The following THY1 variants were observed in gnomAD, a reference collection of about 807,000 sequenced individuals.
The protein encoded by THY1 is Thy-1 cell surface antigen, also known as thy-1 membrane glycoprotein.
In THY1, 10 loss-of-function variants were observed where a neutral mutation model predicts 14.9. The ratio of observed to expected loss-of-function variants is 0.67; its 90% confidence interval spans 0.41 to 1.14. The LOEUF is 1.14. THY1 is among the 50% of genes most tolerant of loss of function. The pLI, the probability that THY1 is intolerant of heterozygous loss-of-function variation, is 0.00. For missense variants in THY1, 159 were observed against 202.1 expected, an observed-to-expected ratio of 0.79 and a Z score of 1.29; for synonymous variants, 80 against 90.0, an observed-to-expected ratio of 0.89 and a Z score of 0.63.
At position 119,420,130 on chromosome 11, in the gene THY1, G is replaced by A. The variant is rs753764547; in HGVS notation, c.294C>T (p.Asp98=). 24 of 1,614,234 alleles carry A rather than the reference G, an allele frequency of 1.5e-5. No homozygotes were observed. In the East Asian group the frequency reaches 2.5e-4, roughly 16 times the overall value. Residue 98 remains aspartate, a synonymous_variant, in exon 3 of 4, where the codon GAC becomes GAT. Transcript: ENST00000284240. The part of the protein sequence containing the change: ...VLYLSAFTSK[D]EGTYTCALHH... ...GGAGTGCACACGTGTAGGTGCCCTC[G>A]TCCTTGCTAGTGAAGGCGGATAAGT...
intron 1 of THY1, 121 bp from the exon 2 acceptor site, chr11:119,421,050 C>A: frequency 3.7e-6 from 3 of 810,154 alleles, no homozygotes; most frequent in Non-Finnish European, 6.1e-6. Flanking sequence ...CTCCATTCCC[C>A]CTCTCGTCCC....
Position 119,419,248 on chromosome 11 carries a change from G to GTAGA in THY1, c.*156_*159dup. 1.4e-6 allele frequency: 1 copy of GTAGA among 717,480 alleles called. No individual in the cohort carries two copies. Among genetic ancestry groups the GTAGA allele is most frequent in the Non-Finnish European group, 2.6e-6 (1 of 389,558 alleles). 44.4% of individuals were successfully genotyped at this position (717,480 alleles called of 1,614,324 possible). On this transcript the variant is annotated 3_prime_UTR_variant, in exon 4 of 4. Coordinates refer to ENST00000284240, the MANE Select transcript of THY1 (RefSeq NM_006288.5). ...GGGTGAGGTGGCCGCGTGGACGTGG[G>GTAGA]TAGATAATCGCATGCAGCACTGGAA... is the stretch of plus-strand genomic sequence containing the variant.
In THY1 at chr11:119,417,086, C is replaced by T. The variant is rs1861793160; in HGVS notation, c.*2322G>A. Among the ~76,000 whole-genome samples the T allele has an allele frequency of 1.3e-5, 2 of 152,242 alleles. No homozygotes were observed. The highest frequency in any genetic ancestry group is 2.1e-4 in the South Asian group (1 of 4,836). ...CTTTTACTATCCTGAGGGTGGGGCA[C>T]CCCACATTTCTCTGGCATTTGATCT... On this transcript the variant is annotated 3_prime_UTR_variant, in exon 4 of 4. Transcript: ENST00000284240.
At position 119,415,773 on chromosome 11, in the gene THY1, T is replaced by C. The variant is rs2135430313; in HGVS notation, c.*3635A>G. Among the ~76,000 whole-genome samples, 1 of 152,292 alleles carries C rather than the reference T, an allele frequency of 6.6e-6. No homozygotes were observed. The highest frequency in any genetic ancestry group is 2.1e-4 in the South Asian group (1 of 4,814). On this transcript the variant is annotated 3_prime_UTR_variant, in exon 4 of 4. Coordinates refer to ENST00000284240, the MANE Select transcript of THY1 (RefSeq NM_006288.5). ...TTCTCCTTGAGTGTGTTGGGGACAT[T>C]CCAGGCCTGAGAGTGTCCTGAGGCT...
rs1861936939 is a variant in THY1 at position 119,422,863 on chromosome 11, G to A, written c.-25+250C>T. Reference sequence around the variant, plus strand: ...CCTGTTCTCCAGCGCCCCAGCCCCAGACACCAGTCCCCCAGCGGGCGAAAG... The same window carrying A: ...CCTGTTCTCCAGCGCCCCAGCCCCAAACACCAGTCCCCCAGCGGGCGAAAG... On this transcript the variant is annotated intron_variant, in intron 1 of 3. Transcript: ENST00000284240. The surrounding 1 kb of genome is among the most constrained non-coding windows in gnomAD (Gnocchi z 7.0). 6.6e-6 allele frequency among the ~76,000 whole-genome samples: 1 copy of A among 152,162 alleles called. No individual in the cohort carries two copies.
chr11:119,423,022 G>A (rs544442389), intron 1 of THY1, 91 bp downstream of exon 1: 26 of 455,988 alleles, frequency 5.7e-5, no homozygotes, highest in African/African-American at 4.8e-4. Flanking sequence ...GGCGCCCTCG[G>A]ACCGTGGCCC....
chr11:119,423,415 A>G (rs1294349433), upstream of THY1: 1 of 354,820 alleles, frequency 2.8e-6, no homozygotes, highest in African/African-American at 2.1e-5. Flanking sequence ...GACCCCGGGG[A>G]TCAGGGTGCG....
At position 119,422,672 on chromosome 11, in the gene THY1, C is replaced by T; in HGVS notation, c.-25+441G>A. ...ACTGCGGCTTCCTTCTCCTCCGGTG[C>T]CCCGCACCCAGCCCGCCGCGAGGTC... On this transcript the variant is annotated intron_variant, in intron 1 of 3. Coordinates refer to ENST00000284240, the MANE Select transcript of THY1 (RefSeq NM_006288.5). This position sits in a 1 kb window ranked among gnomAD's most constrained non-coding sequence, Gnocchi z 7.0. 4.3e-6 allele frequency: 1 copy of T among 233,540 alleles called. No homozygotes were observed. The highest frequency in any genetic ancestry group is 8.5e-6 in the Non-Finnish European group (1 of 117,380). The allele number at this position is 233,540 out of a possible 1,614,324, so 14.5% of individuals were successfully genotyped here. A position where few individuals can be genotyped will look rare whatever the true frequency, so the allele number is the denominator to read the frequency against.
At chr11:119,419,983 G>A (rs1861863725) in intron 3 of THY1, 68 bp downstream of exon 3, 1 of 1,508,366 alleles carries the variant, frequency 6.6e-7, no homozygotes, top group Non-Finnish European at 9.0e-7. Flanking sequence ...GTCCAGCCAA[G>A]GGAACTGCCT....
upstream of THY1, chr11:119,423,360 C>A (rs1331121061): frequency 1.6e-5 from 6 of 369,306 alleles, no homozygotes; most frequent in East Asian, 3.7e-4. Flanking sequence ...GAAGGGGGCC[C>A]TCACCCTGTG....
chr11:119,419,792 C>A lies in THY1; in HGVS notation c.373+259G>T, dbSNP rs189466920. On this transcript the variant is annotated intron_variant, in intron 3 of 3. Coordinates refer to ENST00000284240, the MANE Select transcript of THY1 (RefSeq NM_006288.5). ...GGAGGTGGTGTCATCCCTGTTTTCC[C>A]GCTGGGAGAAGGAAGATTAGGGAGG... The A allele has an allele frequency of 4.3e-5, 26 of 600,242 alleles. No individual in the cohort carries two copies. In the East Asian group the frequency reaches 5.6e-4, roughly 13 times the overall value. 37.2% of individuals were successfully genotyped at this position (600,242 alleles called of 1,614,324 possible).
In THY1 at chr11:119,422,062, C is replaced by T. The variant is rs928562394; in HGVS notation, c.-25+1051G>A. 1 of 152,328 alleles carries T rather than the reference C, an allele frequency of 6.6e-6. No individual in the cohort carries two copies. The highest frequency in any genetic ancestry group is 6.5e-5 in the Admixed American group (1 of 15,292). 9.4% of individuals were successfully genotyped at this position (152,328 alleles called of 1,614,324 possible). A position where few individuals can be genotyped will look rare whatever the true frequency, so the allele number is the denominator to read the frequency against. Reference sequence around the variant, plus strand: ...AGGCCACAGAAGGGGCGTGCACCCGCGAGAGCGCGCAGGGCATTGCCTCGG... The same window carrying T: ...AGGCCACAGAAGGGGCGTGCACCCGTGAGAGCGCGCAGGGCATTGCCTCGG... On this transcript the variant is annotated intron_variant, in intron 1 of 3. Transcript: ENST00000284240. This position sits in a 1 kb window ranked among gnomAD's most constrained non-coding sequence, Gnocchi z 7.0.
chr11:119,417,140 A>G lies in THY1; in HGVS notation c.*2268T>C, dbSNP rs1209090589. 2.6e-5 allele frequency among the ~76,000 whole-genome samples: 4 copies of G among 152,178 alleles called. No individual in the cohort carries two copies. The highest frequency in any genetic ancestry group is 9.7e-5 in the African/African-American group (4 of 41,450). On this transcript the variant is annotated 3_prime_UTR_variant, in exon 4 of 4. Coordinates refer to ENST00000284240, the MANE Select transcript of THY1 (RefSeq NM_006288.5). ...TTCCCCCACAGCAGCTCTTCTCACC[A>G]AGATGCCTTTCCTTGGCACGGCGCT...
In THY1 at chr11:119,416,092, C is replaced by T. The variant is rs913242465; in HGVS notation, c.*3316G>A. On this transcript the variant is annotated 3_prime_UTR_variant, in exon 4 of 4. Coordinates refer to ENST00000284240, the MANE Select transcript of THY1 (RefSeq NM_006288.5). The stretch of plus-strand genomic sequence containing the variant: ...CTCACGGAGATCCCCATGCCCTTCC[C>T]GAGGAAGCCTCTAGATGTCAGAGAT... 5.9e-5 allele frequency among the ~76,000 whole-genome samples: 9 copies of T among 152,248 alleles called. No individual in the cohort carries two copies. The highest frequency in any genetic ancestry group is 4.2e-4 in the South Asian group (2 of 4,814).
intron 3 of THY1, 42 bp downstream of exon 3, chr11:119,420,009 G>C: frequency 6.3e-7 from 1 of 1,576,550 alleles, no homozygotes. Flanking sequence ...CCCCGAGCCT[G>C]GCTCTCCCAG....
At chr11:119,424,444 G>A (rs556139821), upstream of THY1, among the ~76,000 whole-genome samples, 231 of 152,258 alleles carry the variant, frequency 1.5e-3, 1 homozygote, top group African/African-American at 5.4e-3. Flanking sequence ...GTCAGCCCTG[G>A]CACCTTCCCT....
At chr11:119,421,761 C>T (rs1404311939) in intron 1 of THY1, 1 of 152,324 alleles carries the variant, frequency 6.6e-6, no homozygotes, top group East Asian at 1.9e-4. Context: ...TAGGGAGCAT[C>T]TATTCCTATC....
rs1318413784 is a variant in THY1 at position 119,416,532 on chromosome 11, T to C, written c.*2876A>G. On this transcript the variant is annotated 3_prime_UTR_variant, in exon 4 of 4. Transcript: ENST00000284240. ...CTCTATCTCCCAGGCTGGAGTGCAG[T>C]GGTGCAATCTTGGCTCACTGCAACC... is the stretch of plus-strand genomic sequence containing the variant. Among the ~76,000 whole-genome samples, 1 of 152,174 alleles carries C rather than the reference T, an allele frequency of 6.6e-6. No individual in the cohort carries two copies. The highest frequency in any genetic ancestry group is 1.9e-4 in the East Asian group (1 of 5,204).
chr11:119,416,810 C>T lies in THY1; in HGVS notation c.*2598G>A, dbSNP rs903326595. Among the ~76,000 whole-genome samples, 35 of 152,204 alleles carry T rather than the reference C, an allele frequency of 2.3e-4. No individual in the cohort carries two copies. Among genetic ancestry groups the T allele is most frequent in the Admixed American group, 6.5e-5 (1 of 15,288 alleles). On this transcript the variant is annotated 3_prime_UTR_variant, in exon 4 of 4. Transcript: ENST00000284240. Reference sequence around the variant, plus strand: ...TGCCCTGTTCTTCTCTTCTCCTTTCCGAAGTCCGTGGCCCTCTGGTGGCCT... The same window carrying T: ...TGCCCTGTTCTTCTCTTCTCCTTTCTGAAGTCCGTGGCCCTCTGGTGGCCT...
Sources: allele counts gnomAD v4.1 joint callset (sites outside exome capture counted in the v4.1 genomes callset), GRCh38; gene constraint gnomAD v4.1.1; non-coding constraint Gnocchi (gnomAD v3.1); transcripts MANE v1.5; gene names NCBI Gene and HGNC (gene_info 2026-07-23, HGNC 2026-07-21).